Variants in RAP1GDS1 observed in about 807,000 individuals in gnomAD.
The protein encoded by RAP1GDS1 is RAP1, GTP-GDP dissociation stimulator 1.
A neutral mutation model predicts 71.1 loss-of-function variants in RAP1GDS1; 35 were observed. That is an observed-to-expected ratio of 0.49 (90% CI 0.38 to 0.65). The LOEUF (loss-of-function observed/expected upper bound fraction) is 0.65, where lower values mean the gene tolerates loss of function less well. Ranked by LOEUF, RAP1GDS1 falls within the 30% of genes least tolerant of loss-of-function variation. RAP1GDS1 has a pLI of 0.00. For missense variants in RAP1GDS1, 663 were observed against 706.1 expected (o/e 0.94, Z 0.69); for synonymous variants, 229 against 243.1 (o/e 0.94, Z 0.54).
At chr4:98,272,930 G>C (rs1723690931) in intron 1 of RAP1GDS1, among the ~76,000 whole-genome samples, 1 of 152,106 alleles carries the variant, frequency 6.6e-6, no homozygotes, top group Non-Finnish European at 1.5e-5. Flanking sequence ...AGCTCATAAG[G>C]CACCCACCTA....
Position 98,439,347 on chromosome 4 carries a change from T to C in RAP1GDS1, c.1696+2279T>C, listed in dbSNP as rs183072189. Among the ~76,000 whole-genome samples the C allele has an allele frequency of 4.2e-3, 645 of 152,368 alleles. 5 individuals are homozygous for C. Among genetic ancestry groups the C allele is most frequent in the African/African-American group, 0.015 (605 of 41,582 alleles). On this transcript the variant is annotated intron_variant, in intron 14 of 14. Coordinates refer to ENST00000408927, the MANE Select transcript of RAP1GDS1 (RefSeq NM_001100427.2). Reference sequence around the variant, plus strand: ...GTTTCATTTTTGTCTCTCAAGACTTTCTTTGCGTTTAGTATTCAGAAGTTT... The same window carrying C: ...GTTTCATTTTTGTCTCTCAAGACTTCCTTTGCGTTTAGTATTCAGAAGTTT...
chr4:98,275,880 C>T (rs1399747844), intron 1 of RAP1GDS1, among the ~76,000 whole-genome samples: 1 of 151,778 alleles, frequency 6.6e-6, no homozygotes, highest in Non-Finnish European at 1.5e-5. Context: ...AAGTTTAGGC[C>T]CTTATTACCT....
At chr4:98,283,530 TAAAG>T (rs1257838678) in intron 1 of RAP1GDS1, among the ~76,000 whole-genome samples, 1 of 152,106 alleles carries the variant, frequency 6.6e-6, no homozygotes, top group African/African-American at 2.4e-5. Flanking sequence ...CTCTAGTAGA[TAAAG>T]AATAATAGAA....
chr4:98,262,217 T>C (rs1171234384), intron 1 of RAP1GDS1, among the ~76,000 whole-genome samples: 1 of 152,240 alleles, frequency 6.6e-6, no homozygotes, highest in Non-Finnish European at 1.5e-5. Flanking sequence ...GCTGGGTGAC[T>C]ACAGTGTGCA....
intron 6 of RAP1GDS1, among the ~76,000 whole-genome samples, chr4:98,394,127 T>C (rs190202226): frequency 2.2e-4 from 34 of 152,286 alleles, no homozygotes; most frequent in African/African-American, 7.9e-4. Context: ...ATTACAATAA[T>C]CCTTGGATAG....
chr4:98,295,826 A>G (rs1727654523), intron 2 of RAP1GDS1, among the ~76,000 whole-genome samples: 1 of 151,964 alleles, frequency 6.6e-6, no homozygotes, highest in Admixed American at 6.6e-5. Context: ...CTATAAAGTG[A>G]TATATGTATT....
intron 2 of RAP1GDS1, among the ~76,000 whole-genome samples, chr4:98,333,280 G>A (rs527961892): frequency 4.7e-4 from 72 of 151,816 alleles, no homozygotes; most frequent in African/African-American, 1.4e-3. Flanking sequence ...ACACATTTTT[G>A]TGTACTTTGT....
intron 1 of RAP1GDS1, among the ~76,000 whole-genome samples, chr4:98,267,703 T>G (rs1022413734): frequency 6.6e-6 from 1 of 152,206 alleles, no homozygotes; most frequent in South Asian, 2.1e-4. Flanking sequence ...GTGCATAGTA[T>G]TCCATGGTAT....
intron 7 of RAP1GDS1, chr4:98,409,140 C>A (rs974518671): frequency 1.3e-5 from 2 of 152,118 alleles, no homozygotes; most frequent in African/African-American, 4.8e-5. Flanking sequence ...TTTTATAGAT[C>A]TTTTTTTAAA....
chr4:98,350,457 A>G (rs1196908673), intron 3 of RAP1GDS1, among the ~76,000 whole-genome samples: 1 of 152,106 alleles, frequency 6.6e-6, no homozygotes, highest in Non-Finnish European at 1.5e-5. Context: ...CTATAATCCT[A>G]GCATTTTGGG....
intron 1 of RAP1GDS1, among the ~76,000 whole-genome samples, chr4:98,286,009 A>T (rs930360386): frequency 2.0e-5 from 3 of 151,068 alleles, no homozygotes; most frequent in Non-Finnish European, 4.4e-5. Flanking sequence ...GCTCATGCCT[A>T]TAATTCTAGC....
At chr4:98,376,777 G>T (rs1421143470) in intron 4 of RAP1GDS1, among the ~76,000 whole-genome samples, 1 of 151,832 alleles carries the variant, frequency 6.6e-6, no homozygotes, top group African/African-American at 2.4e-5. Flanking sequence ...TACAGATTGT[G>T]TTTATGCCTT....
rs568852487 is a variant in RAP1GDS1 at position 98,304,232 on chromosome 4, A to T, written c.112+10717A>T. Reference sequence around the variant, plus strand: ...TACCCAGTAATGGGATTGCTGGGTCAAATGGTATTTCTGGTTCCAGATCTT... The same window carrying T: ...TACCCAGTAATGGGATTGCTGGGTCTAATGGTATTTCTGGTTCCAGATCTT... On this transcript the variant is annotated intron_variant, in intron 2 of 14. Transcript: ENST00000408927. Among the ~76,000 whole-genome samples, 3 of 152,300 alleles carry T rather than the reference A, an allele frequency of 2.0e-5. No homozygotes were observed. The South Asian group carries it at 6.2e-4, about 32-fold the overall frequency.
At chr4:98,292,889 G>T (rs1248248726) in intron 1 of RAP1GDS1, among the ~76,000 whole-genome samples, 1 of 152,082 alleles carries the variant, frequency 6.6e-6, no homozygotes, top group Non-Finnish European at 1.5e-5. Flanking sequence ...GCATGTTAGG[G>T]CTTAAAGCAG....
chr4:98,339,534 A>T (rs1735177932), intron 2 of RAP1GDS1, among the ~76,000 whole-genome samples: 1 of 151,894 alleles, frequency 6.6e-6, no homozygotes, highest in African/African-American at 2.4e-5. Flanking sequence ...TTTTTTTTTT[A>T]AACAAGACTT....
chr4:98,369,399 A>G (rs910925444), intron 4 of RAP1GDS1, among the ~76,000 whole-genome samples: 1 of 152,204 alleles, frequency 6.6e-6, no homozygotes, highest in Non-Finnish European at 1.5e-5. Flanking sequence ...TACTTGCCCA[A>G]AGACTTATGC....
intron 2 of RAP1GDS1, among the ~76,000 whole-genome samples, chr4:98,308,429 C>CACT (rs1283605360): frequency 1.3e-5 from 2 of 149,048 alleles, no homozygotes; most frequent in Non-Finnish European, 3.0e-5. Context: ...ATGATTGTGC[C>CACT]ACTGCACTCT....
chr4:98,276,050 T>C (rs921153997), intron 1 of RAP1GDS1, among the ~76,000 whole-genome samples: 8 of 152,148 alleles, frequency 5.3e-5, no homozygotes, highest in South Asian at 2.1e-4. Context: ...GATTTTTTTT[T>C]CCCACAGTTC....
intron 2 of RAP1GDS1, among the ~76,000 whole-genome samples, chr4:98,319,447 CAT>C (rs547220890): frequency 1.2e-3 from 179 of 152,098 alleles, no homozygotes; most frequent in Middle Eastern, 3.4e-3. Context: ...TTTTCAGTCT[CAT>C]GTGTATTTTA....
Sources: gnomAD v4.1 joint callset for allele counts (sites outside exome capture counted in the v4.1 genomes callset) on GRCh38, gnomAD v4.1.1 for gene constraint, MANE v1.5 for transcripts, NCBI Gene and HGNC (gene_info 2026-07-23, HGNC 2026-07-21) for gene names.